EYA2: variants seen among roughly 807,000 people sequenced by gnomAD.
The protein encoded by EYA2 is protein phosphatase EYA2.
Under a neutral mutation model 69.2 loss-of-function variants are expected in EYA2, and 31 were observed. The ratio of observed to expected loss-of-function variants is 0.45; its 90% CI spans 0.34 to 0.60. The LOEUF (loss-of-function observed/expected upper bound fraction) is 0.60, where lower values mean the gene tolerates loss of function less well. EYA2 is among the 20% of genes least tolerant of loss of function. EYA2 has a pLI of 0.02. For missense variants in EYA2, 622 were observed against 701.2 expected, an observed-to-expected ratio of 0.89 and a Z score of 1.28; for synonymous variants, 257 against 279.4, an observed-to-expected ratio of 0.92 and a Z score of 0.80.
At chr20:46,910,447 T>C (rs1351550059) in intron 1 of EYA2, among the ~76,000 whole-genome samples, 1 of 152,172 alleles carries the variant, frequency 6.6e-6, no homozygotes, top group Admixed American at 6.5e-5. Context: ...ACATGAGACT[T>C]GGGTGTGGAC....
chr20:47,040,992 G>T (rs1034402161), intron 5 of EYA2, among the ~76,000 whole-genome samples: 2 of 152,192 alleles, frequency 1.3e-5, no homozygotes, highest in Admixed American at 1.3e-4. Flanking sequence ...GCTGCAGGGG[G>T]CCAGAAGCAC....
At chr20:47,176,602 CAAAG>C (rs940045778) in intron 12 of EYA2, among the ~76,000 whole-genome samples, 5 of 152,076 alleles carry the variant, frequency 3.3e-5, no homozygotes, top group East Asian at 1.9e-4. Context: ...CCAATACAAG[CAAAG>C]AGTCAATCAG....
At chr20:47,026,313 A>G (rs1984079622) in intron 5 of EYA2, among the ~76,000 whole-genome samples, 1 of 152,244 alleles carries the variant, frequency 6.6e-6, no homozygotes, top group African/African-American at 2.4e-5. Context: ...TAAAACCATA[A>G]AAATACTAGA....
At chr20:46,931,383 T>C (rs1316642662) in intron 1 of EYA2, among the ~76,000 whole-genome samples, 1 of 152,168 alleles carries the variant, frequency 6.6e-6, no homozygotes, top group Non-Finnish European at 1.5e-5. Flanking sequence ...GTTTGTTTGT[T>C]TGTTGTTTTT....
chr20:46,943,327 G>A (rs1039435761), intron 1 of EYA2, among the ~76,000 whole-genome samples: 3 of 152,176 alleles, frequency 2.0e-5, no homozygotes, highest in African/African-American at 2.4e-5. Context: ...ACATCCTCAC[G>A]TAGAGTATTG....
chr20:47,183,310 G>A lies in EYA2; in HGVS notation c.1455G>A (p.Glu485=). The A allele has an allele frequency of 6.2e-7, 1 of 1,614,166 alleles. No homozygotes were observed. Among genetic ancestry groups the A allele is most frequent in the East Asian group, 2.2e-5 (1 of 44,886 alleles). Residue 485 remains glutamate (E), a synonymous_variant, in exon 15 of 16, where the codon GAG becomes GAA. Coordinates refer to ENST00000327619, the MANE Select transcript of EYA2 (RefSeq NM_005244.5). ...GTGCAGGGAAGGAGAGCTGCTTCGAGAGGATAATGCAGAGATTCGGCAGAA... is the reference window on the plus strand; with the variant it reads ...GTGCAGGGAAGGAGAGCTGCTTCGAAAGGATAATGCAGAGATTCGGCAGAA... The part of the protein sequence containing the change: ...ATKTGKESCF[E]RIMQRFGRKA...
intron 5 of EYA2, among the ~76,000 whole-genome samples, chr20:47,041,987 AAAAT>A (rs1600664032): frequency 6.6e-6 from 1 of 152,146 alleles, no homozygotes; most frequent in African/African-American, 2.4e-5. Flanking sequence ...ATAAAATTAT[AAAAT>A]AAATATAAAA....
chr20:47,156,219 A>G (rs1199914129), intron 10 of EYA2, among the ~76,000 whole-genome samples: 1 of 131,848 alleles, frequency 7.6e-6, no homozygotes, highest in East Asian at 2.6e-4. Context: ...CTGTAGTCCC[A>G]GCTACTCGGG....
chr20:47,127,366 G>A (rs1012162737), intron 9 of EYA2, among the ~76,000 whole-genome samples: 2 of 152,150 alleles, frequency 1.3e-5, no homozygotes, highest in African/African-American at 4.8e-5. Context: ...CACTTTGGAA[G>A]GCCGAGGCGA....
chr20:46,986,885 G>A (rs1003284242), intron 1 of EYA2, among the ~76,000 whole-genome samples: 8 of 152,138 alleles, frequency 5.3e-5, no homozygotes, highest in African/African-American at 1.2e-4. Context: ...TGGGGATCAC[G>A]TCACATTTTA....
intron 7 of EYA2, among the ~76,000 whole-genome samples, chr20:47,086,811 G>GTT (rs35580780): frequency 2.5e-4 from 37 of 145,584 alleles, no homozygotes; most frequent in East Asian, 2.0e-3. Flanking sequence ...TTTTTTTGTT[G>GTT]TTTTTTTTTT....
intron 1 of EYA2, among the ~76,000 whole-genome samples, chr20:46,958,199 G>A (rs1979251566): frequency 1.3e-5 from 2 of 152,192 alleles, no homozygotes; most frequent in South Asian, 4.1e-4. Context: ...CTGCGCCTGT[G>A]TCTCCCTCTC....
intron 9 of EYA2, among the ~76,000 whole-genome samples, chr20:47,103,349 A>T (rs775050896): frequency 9.2e-5 from 14 of 152,174 alleles, no homozygotes; most frequent in Non-Finnish European, 1.8e-4. Context: ...ATATAAAGGG[A>T]ATCACACAGT....
At position 47,188,488 on chromosome 20, in the gene EYA2, G is replaced by C; in HGVS notation, c.*355G>C. ...TGTCTTCTTTTTAATTTATGGACTA[G>C]TCTCATTACTCCGGAATTATGCTCT... On this transcript the variant is annotated 3_prime_UTR_variant, in exon 16 of 16. Coordinates refer to ENST00000327619, the MANE Select transcript of EYA2 (RefSeq NM_005244.5). The C allele has an allele frequency of 1.9e-6, 1 of 530,650 alleles. No homozygotes were observed. The highest frequency in any genetic ancestry group is 2.8e-5 in the East Asian group (1 of 35,300). 32.9% of individuals were successfully genotyped at this position (530,650 alleles called of 1,614,324 possible).
intron 5 of EYA2, among the ~76,000 whole-genome samples, chr20:47,033,053 C>T (rs912208353): frequency 2.0e-5 from 3 of 152,190 alleles, no homozygotes; most frequent in African/African-American, 7.2e-5. Flanking sequence ...TAAACTGCAG[C>T]CTGTAAGAAC....
rs73913851 is a variant in EYA2, at chr20:47,169,768, C to T, written c.1037+571C>T. ...AGCTTCTCTCCTCCAATCAAGGGTC[C>T]GGAGATGTTATAACCAATTTTTTCT... On this transcript the variant is annotated intron_variant, in intron 11 of 15. Coordinates refer to ENST00000327619, the MANE Select transcript of EYA2 (RefSeq NM_005244.5). Among the ~76,000 whole-genome samples the T allele has an allele frequency of 2.9e-3, 441 of 152,200 alleles. 2 individuals are homozygous for T. The highest frequency in any genetic ancestry group is 0.01 in the African/African-American group (416 of 41,516).
chr20:47,034,711 A>G (rs1469078613), intron 5 of EYA2, among the ~76,000 whole-genome samples: 1 of 152,218 alleles, frequency 6.6e-6, no homozygotes, highest in East Asian at 1.9e-4. Flanking sequence ...AAAGCACCAC[A>G]ATCTGGGTCA....
intron 13 of EYA2, among the ~76,000 whole-genome samples, chr20:47,180,223 G>C (rs1402322810): frequency 6.6e-6 from 1 of 151,958 alleles, no homozygotes; most frequent in Non-Finnish European, 1.5e-5. Flanking sequence ...TAGAGATGGG[G>C]TTTCACCATG....
At chr20:47,068,695 TGATG>T (rs1232735942) in intron 5 of EYA2, among the ~76,000 whole-genome samples, 3 of 152,244 alleles carry the variant, frequency 2.0e-5, no homozygotes, top group Non-Finnish European at 2.9e-5. Flanking sequence ...CCTATGGTTC[TGATG>T]GATCCATCAT....
Sources: gnomAD v4.1 joint callset for allele counts (sites outside exome capture counted in the v4.1 genomes callset) on GRCh38, gnomAD v4.1.1 for gene constraint, MANE v1.5 for transcripts, NCBI Gene and HGNC (gene_info 2026-07-23, HGNC 2026-07-21) for gene names.